The following UTRN variants were observed in gnomAD, a reference collection of about 807,000 sequenced individuals.
UTRN encodes the protein dystrophin-related protein 1.
A neutral mutation model predicts 463.9 loss-of-function variants in UTRN; 283 were observed. The ratio of observed to expected loss-of-function variants is 0.61; its 90% CI spans 0.55 to 0.67. UTRN has a LOEUF of 0.67. Among genes scored for constraint, UTRN ranks in the 30% least tolerant of loss-of-function variants. The pLI, the probability that UTRN is intolerant of heterozygous loss-of-function variation, is 0.00. For synonymous variants in UTRN, 1,442 were observed against 1,431.5 expected, an observed-to-expected ratio of 1.01 and a Z score of -0.17; for missense variants, 3,922 against 4,084.3, an observed-to-expected ratio of 0.96 and a Z score of 1.08.
Position 144,403,239 on chromosome 6 carries a change from G to T in UTRN, c.141+55G>T. Reference sequence around the variant, plus strand: ...TTCAGATGCCGCATTCTGATTGAAGGAGTTTGGTTGGAAGTGCAGTGAATT... The same window carrying T: ...TTCAGATGCCGCATTCTGATTGAAGTAGTTTGGTTGGAAGTGCAGTGAATT... On this transcript the variant is annotated intron_variant, in intron 3 of 74. Coordinates refer to ENST00000367545, the MANE Select transcript of UTRN (RefSeq NM_007124.3). The T allele has an allele frequency of 3.9e-6, 6 of 1,536,266 alleles. No homozygotes were observed. In the South Asian group the frequency reaches 6.9e-5, roughly 18 times the overall value.
chr6:144,473,535 T>A (rs1790880174), intron 23 of UTRN, among the ~76,000 whole-genome samples, 185 bp from the exon 24 acceptor site: 1 of 152,204 alleles, frequency 6.6e-6, no homozygotes, highest in African/African-American at 2.4e-5. Context: ...TCTTGAGGAT[T>A]TTAGTCAAGA....
At chr6:144,311,447 C>T (rs566932273) in intron 2 of UTRN, among the ~76,000 whole-genome samples, 1 of 152,184 alleles carries the variant, frequency 6.6e-6, no homozygotes, top group African/African-American at 2.4e-5. Flanking sequence ...TTCTAGAAAA[C>T]CTGGATGCCC....
At chr6:144,807,157 CT>C (rs1778222918) in intron 65 of UTRN, among the ~76,000 whole-genome samples, 1 of 152,070 alleles carries the variant, frequency 6.6e-6, no homozygotes, top group East Asian at 1.9e-4. Flanking sequence ...CTCCAGTCAC[CT>C]TACTGACTTC....
chr6:144,585,166 TAAGTCACTG>T lies in UTRN; in HGVS notation c.7479+7885_7479+7893del, dbSNP rs201336347. Among the ~76,000 whole-genome samples the T allele has an allele frequency of 9.6e-4, 146 of 152,260 alleles. 1 individual carries two copies. In the East Asian group the frequency reaches 0.027, roughly 28 times the overall value. ...AATTCTACCGCAAATAGGCACAAGT[TAAGTCACTG>T]AAGTCATTGGATAAATTACCATCAG... On this transcript the variant is annotated intron_variant, in intron 51 of 74. Transcript: ENST00000367545.
chr6:144,359,524 G>GT (rs1350479244), intron 2 of UTRN, among the ~76,000 whole-genome samples: 2 of 152,302 alleles, frequency 1.3e-5, no homozygotes, highest in Admixed American at 6.5e-5. Flanking sequence ...TCAGAGGACT[G>GT]TAACACGTTT....
intron 2 of UTRN, among the ~76,000 whole-genome samples, chr6:144,392,339 G>T (rs1209264782): frequency 6.6e-6 from 1 of 152,152 alleles, no homozygotes; most frequent in Non-Finnish European, 1.5e-5. Context: ...AAATCCTCCA[G>T]CCAATGGCTG....
intron 2 of UTRN, among the ~76,000 whole-genome samples, chr6:144,373,590 G>A (rs886692432): frequency 5.9e-5 from 9 of 152,182 alleles, no homozygotes; most frequent in African/African-American, 9.7e-5. Context: ...ATTAAGATTG[G>A]ATGATTGTCG....
At position 144,531,080 on chromosome 6, in the gene UTRN, A is replaced by G; in HGVS notation, c.5935A>G (p.Arg1979Gly). 6.2e-7 allele frequency: 1 copy of G among 1,613,960 alleles called. No individual in the cohort carries two copies. Among genetic ancestry groups the G allele is most frequent in the Admixed American group, 1.7e-5 (1 of 60,032 alleles). Residue 1979 changes from arginine (R) to glycine (G), a missense_variant, in exon 42 of 75, where the codon AGA becomes GGA. Transcript: ENST00000367545. The part of the protein sequence containing the change: ...GCFDRAMEEW[R>G]QFHCDLNDLT... ...TTTTGACAGGGCAATGGAAGAATGG[A>G]GACAGTTCCATTGTGACCTTAATGA...
chr6:144,740,661 G>A (rs768168915), intron 54 of UTRN, among the ~76,000 whole-genome samples: 4 of 152,156 alleles, frequency 2.6e-5, no homozygotes, highest in Non-Finnish European at 5.9e-5. Context: ...TATAATATCT[G>A]TATGAATATA....
At chr6:144,571,052 A>G (rs1281456330) in intron 50 of UTRN, among the ~76,000 whole-genome samples, 3 of 152,158 alleles carry the variant, frequency 2.0e-5, no homozygotes, top group Non-Finnish European at 4.4e-5. Context: ...TGATTATGGG[A>G]AATGAAGGTG....
chr6:144,523,096 C>T lies in UTRN; in HGVS notation c.5814C>T (p.Ala1938=). Residue 1938 remains alanine, a synonymous_variant, in exon 41 of 75, where the codon GCC becomes GCT. Coordinates refer to ENST00000367545, the MANE Select transcript of UTRN (RefSeq NM_007124.3). ...AACAGCCAGATGTCATCCTTGAAGC[C>T]TCTGGACCTGAAGCCATTCAGATCA... ...HEKQPDVILE[A]SGPEAIQIRD... The T allele has an allele frequency of 6.2e-7, 1 of 1,613,556 alleles. No individual in the cohort carries two copies. The highest frequency in any genetic ancestry group is 1.1e-5 in the South Asian group (1 of 90,980).
At chr6:144,394,615 T>TA (rs774710600) in intron 2 of UTRN, among the ~76,000 whole-genome samples, 102 of 152,316 alleles carry the variant, frequency 6.7e-4, no homozygotes, top group Admixed American at 1.5e-3. Flanking sequence ...ACACATGGCA[T>TA]ACAGTGAAAG....
chr6:144,622,184 G>GTTGTTTTTTT (rs1371864579), intron 51 of UTRN, among the ~76,000 whole-genome samples: 1 of 88,200 alleles, frequency 1.1e-5, no homozygotes, highest in East Asian at 4.3e-4. Flanking sequence ...TTTTTTTGTT[G>GTTGTTTTTTT]TTTTTTTTTT....
intron 53 of UTRN, among the ~76,000 whole-genome samples, chr6:144,708,926 G>A (rs1036444985): frequency 6.6e-5 from 10 of 152,154 alleles, no homozygotes; most frequent in Non-Finnish European, 1.3e-4. Flanking sequence ...ACAAAGGCAA[G>A]AGAGCGTTCA....
chr6:144,437,204 T>A (rs4364502), intron 10 of UTRN, among the ~76,000 whole-genome samples: 7,986 of 152,124 alleles, frequency 0.052, 662 homozygotes, highest in African/African-American at 0.17. Context: ...TCCACCTGCC[T>A]CAGCCTCCCA....
chr6:144,423,615 C>T lies in UTRN; in HGVS notation c.301C>T (p.His101Tyr). 6.2e-7 allele frequency: 1 copy of T among 1,614,232 alleles called. No individual in the cohort carries two copies. The highest frequency in any genetic ancestry group is 1.3e-5 in the African/African-American group (1 of 75,062). Reference sequence around the variant, plus strand: ...CGTCAACAGAGTGCTGCAGGTTTTACATCAGAACAATGTAAGTGTGTAATG... The same window carrying T: ...CGTCAACAGAGTGCTGCAGGTTTTATATCAGAACAATGTAAGTGTGTAATG... ...NNVNRVLQVL[H>Y]QNNVELVNIG... Residue 101 changes from histidine to tyrosine, a missense_variant, in exon 5 of 75, where the codon CAT (histidine) becomes TAT (tyrosine). Around this residue, in one of 3 missense-constraint regions of UTRN, gnomAD observed 264 missense variants for 327.9 expected, o/e 0.81. Coordinates refer to ENST00000367545, the MANE Select transcript of UTRN (RefSeq NM_007124.3).
intron 45 of UTRN, 102 bp from the exon 46 acceptor site, chr6:144,542,693 A>G: frequency 8.1e-7 from 1 of 1,229,632 alleles, no homozygotes; most frequent in South Asian, 1.5e-5. Context: ...TAGGGGAAGA[A>G]AAGTAGCAGA....
In UTRN at chr6:144,754,207, C is replaced by T. The variant is rs532185008; in HGVS notation, c.8356-513C>T. 7.9e-5 allele frequency among the ~76,000 whole-genome samples: 12 copies of T among 152,134 alleles called. No individual in the cohort carries two copies. The South Asian group carries it at 2.3e-3, about 29-fold the overall frequency. On this transcript the variant is annotated intron_variant, in intron 56 of 74. Transcript: ENST00000367545. ...CCCCATAACACTTTTTACCATCTTC[C>T]TTACAAAAGAGAGATGAGTGGTCAC...
intron 51 of UTRN, among the ~76,000 whole-genome samples, chr6:144,592,451 A>G (rs1803185733): frequency 6.6e-6 from 1 of 151,908 alleles, no homozygotes; most frequent in Admixed American, 6.6e-5. Context: ...GCTCACTGCT[A>G]CTTCCACCTC....
Sources: allele counts gnomAD v4.1 joint callset (sites outside exome capture counted in the v4.1 genomes callset), GRCh38; gene constraint gnomAD v4.1.1; regional missense constraint gnomAD v4.1.1; transcripts MANE v1.5; gene names NCBI Gene and HGNC (gene_info 2026-07-23, HGNC 2026-07-21).